The following UBAC1 variants were observed in gnomAD, a reference collection of about 807,000 sequenced individuals.
UBAC1 encodes the protein UBA domain containing 1.
Under a neutral mutation model 45.9 loss-of-function variants are expected in UBAC1, and 27 were observed. That is an observed-to-expected ratio of 0.59 (90% CI 0.43 to 0.81). UBAC1 has a LOEUF of 0.81. Among genes scored for constraint, UBAC1 ranks in the 30% least tolerant of loss-of-function variants. The pLI is 0.00. For missense variants in UBAC1, 529 were observed against 539.2 expected, an observed-to-expected ratio of 0.98 and a Z score of 0.19; for synonymous variants, 227 against 215.5, an observed-to-expected ratio of 1.05 and a Z score of -0.47.
intron 5 of UBAC1, 47 bp from the exon 6 acceptor site, chr9:135,946,044 G>A: frequency 6.5e-7 from 1 of 1,538,660 alleles, no homozygotes; most frequent in Non-Finnish European, 9.0e-7. Context: ...TCAGGTTCAG[G>A]GGCCTTATCT....
At chr9:135,946,654 C>T (rs757715627) in intron 4 of UBAC1, among the ~76,000 whole-genome samples, 2 of 152,234 alleles carry the variant, frequency 1.3e-5, no homozygotes, top group Non-Finnish European at 2.9e-5. Flanking sequence ...ACCGTCGGCC[C>T]AGCTGGCGCA....
chr9:135,934,640 G>A (rs1839183460), intron 9 of UBAC1, among the ~76,000 whole-genome samples: 1 of 152,094 alleles, frequency 6.6e-6, no homozygotes, highest in South Asian at 2.1e-4. Context: ...AGCCTGGGCA[G>A]CAGAGTGAGA....
chr9:135,946,922 G>A (rs1226336112), intron 4 of UBAC1, among the ~76,000 whole-genome samples: 7 of 152,184 alleles, frequency 4.6e-5, no homozygotes, highest in South Asian at 4.1e-4. Flanking sequence ...GCCTTGGTGC[G>A]GACACCACAC....
chr9:135,953,685 C>A lies in UBAC1; in HGVS notation c.328G>T (p.Glu110Ter), dbSNP rs1401051457. ...TTGCAAACTTTGAAATTTACCTTTT[C>A]TTCTGCTGAGACATCAGCCATCTTG... ...LPKMADVSAE[E>*]KKKQDQKAPD... is the part of the protein sequence containing the mutation. Residue 110 changes from glutamate (E) to a stop codon, truncating the protein, a stop_gained, in exon 3 of 10, where the codon GAA becomes TAA. Coordinates refer to ENST00000371756, the MANE Select transcript of UBAC1 (RefSeq NM_016172.3). LOFTEE classifies it high-confidence loss of function. 6.2e-7 allele frequency: 1 copy of A among 1,611,596 alleles called. No individual in the cohort carries two copies. Among genetic ancestry groups the A allele is most frequent in the Non-Finnish European group, 8.5e-7 (1 of 1,178,320 alleles).
intron 9 of UBAC1, among the ~76,000 whole-genome samples, chr9:135,935,269 AAC>A (rs2131078861): frequency 6.6e-6 from 1 of 152,334 alleles, no homozygotes; most frequent in African/African-American, 2.4e-5. Flanking sequence ...AGAGAGCAAA[AAC>A]AGTTTACAAC....
intron 5 of UBAC1, 81 bp downstream of exon 5, chr9:135,946,188 T>C: frequency 1.8e-6 from 2 of 1,132,900 alleles, no homozygotes; most frequent in South Asian, 2.5e-5. Flanking sequence ...TTCCGGTCAG[T>C]GGTCAGTGCG....
intron 9 of UBAC1, among the ~76,000 whole-genome samples, chr9:135,935,186 C>CA (rs1839189310): frequency 6.6e-6 from 1 of 152,156 alleles, no homozygotes; most frequent in South Asian, 2.1e-4. Flanking sequence ...CATGAGCCAC[C>CA]ATGCCCAACC....
At chr9:135,959,682 T>G (rs1038364608) in intron 1 of UBAC1, among the ~76,000 whole-genome samples, 1 of 151,986 alleles carries the variant, frequency 6.6e-6, no homozygotes, top group Non-Finnish European at 1.5e-5. Context: ...CCAGAGAAGT[T>G]TTTTAAAATA....
At position 135,938,357 on chromosome 9, in the gene UBAC1, C is replaced by T. The variant is rs754196005; in HGVS notation, c.967G>A (p.Glu323Lys). The change falls in exon 9 of 10, where the codon GAG becomes AAG. Residue 323 changes from glutamate (E) to lysine (K), a missense_variant. Transcript: ENST00000371756. Reference protein sequence around the residue: ...VNNNQQNAACEWLLGDRKPSP... With the variant: ...VNNNQQNAACKWLLGDRKPSP... ...GGCTTCCGGTCCCCCAGCAGCCACT[C>T]GCACTGCAAAGCCAAGAGCACCAAT... 7 of 1,613,128 alleles carry T rather than the reference C, an allele frequency of 4.3e-6. No homozygotes were observed. The highest frequency in any genetic ancestry group is 1.1e-5 in the South Asian group (1 of 91,058).
chr9:135,945,413 G>T (rs4842055), intron 6 of UBAC1, 163 bp from the exon 7 acceptor site: 609,281 of 609,306 alleles, frequency 1, 304,628 homozygotes, highest in East Asian at 1. Context: ...CGACGGAAGC[G>T]CTGGTCCTTG....
rs767353493 is a variant in UBAC1, at chr9:135,945,205, T to G, written c.699A>C (p.Glu233Asp). ...QAMEWLIEHA[E>D]DPTIDTPLPG... ...GAAGAGGCGTGTCTATGGTCGGGTC[T>G]TCTGCGTGTTCAATTAGCCACTCCA... Residue 233 changes from glutamate to aspartate, a missense_variant, in exon 7 of 10, where the codon GAA becomes GAC. Glu to Asp is a conservative substitution (Grantham distance 45). Coordinates refer to ENST00000371756, the MANE Select transcript of UBAC1 (RefSeq NM_016172.3). 57 of 1,608,792 alleles carry G rather than the reference T, an allele frequency of 3.5e-5. No homozygotes were observed. The highest frequency in any genetic ancestry group is 4.8e-5 in the Non-Finnish European group (56 of 1,177,566).
At position 135,945,784 on chromosome 9, in the gene UBAC1, TTCAG is replaced by T. The variant is rs1588532971; in HGVS notation, c.653+101_653+104del. 51 of 836,516 alleles carry T rather than the reference TTCAG, an allele frequency of 6.1e-5. No homozygotes were observed. The Middle Eastern group carries it at 8.5e-4, about 14-fold the overall frequency. The allele number at this position is 836,516 out of a possible 1,614,324, so 51.8% of individuals were successfully genotyped here. ...CTTCAAAACCCCACGTTAGAAATGATTCAGTCAAAGAGTTTAGGGTAGGAGGACG... is the reference window on the plus strand; with the variant it reads ...CTTCAAAACCCCACGTTAGAAATGATTCAAAGAGTTTAGGGTAGGAGGACG... On this transcript the variant is annotated intron_variant, in intron 6 of 9. Coordinates refer to ENST00000371756, the MANE Select transcript of UBAC1 (RefSeq NM_016172.3).
chr9:135,958,444 C>T (rs868588711), intron 1 of UBAC1, among the ~76,000 whole-genome samples: 4 of 152,174 alleles, frequency 2.6e-5, no homozygotes, highest in Admixed American at 6.5e-5. Context: ...GAGGCCACCA[C>T]GGTGATCCCA....
At chr9:135,940,942 C>T (rs1839263149) in intron 7 of UBAC1, among the ~76,000 whole-genome samples, 1 of 152,218 alleles carries the variant, frequency 6.6e-6, no homozygotes, top group Non-Finnish European at 1.5e-5. Flanking sequence ...CAGCTCCCAG[C>T]ACCACCCAGG....
rs549228819 is a variant in UBAC1, at chr9:135,945,133, G to T, written c.771C>A (p.Ser257=). ...TGGCGCTGGCTCCCGCGGCAGCCTCGGAGGCAGCTGCTGTGGCCCCCTCGG... is the reference window on the plus strand; with the variant it reads ...TGGCGCTGGCTCCCGCGGCAGCCTCTGAGGCAGCTGCTGTGGCCCCCTCGG... ...PEAEGATAAA[S]EAAAGASATD... Residue 257 remains serine (S), a synonymous_variant, in exon 7 of 10, where the codon TCC becomes TCA. Coordinates refer to ENST00000371756, the MANE Select transcript of UBAC1 (RefSeq NM_016172.3). 1.2e-6 allele frequency: 2 copies of T among 1,613,982 alleles called. No homozygotes were observed. Among genetic ancestry groups the T allele is most frequent in the South Asian group, 1.1e-5 (1 of 91,050 alleles).
In UBAC1 at chr9:135,938,364, C is replaced by T; in HGVS notation, c.964-4G>A. On this transcript the variant is annotated splice_polypyrimidine_tract_variant and splice_region_variant and intron_variant, in intron 8 of 9. Coordinates refer to ENST00000371756, the MANE Select transcript of UBAC1 (RefSeq NM_016172.3). Reference sequence around the variant, plus strand: ...GGTCCCCCAGCAGCCACTCGCACTGCAAAGCCAAGAGCACCAATACCACTG... The same window carrying T: ...GGTCCCCCAGCAGCCACTCGCACTGTAAAGCCAAGAGCACCAATACCACTG... 1 of 1,612,540 alleles carries T rather than the reference C, an allele frequency of 6.2e-7. No individual in the cohort carries two copies. Among genetic ancestry groups the T allele is most frequent in the Non-Finnish European group, 8.5e-7 (1 of 1,179,720 alleles).
chr9:135,945,768 C>G, intron 6 of UBAC1, 121 bp downstream of exon 6: 1 of 739,602 alleles, frequency 1.4e-6, no homozygotes, highest in Non-Finnish European at 2.2e-6. Flanking sequence ...TCTTCAAAAC[C>G]CCACGTTAGA....
intron 9 of UBAC1, 114 bp downstream of exon 9, chr9:135,938,108 A>G: frequency 6.8e-7 from 1 of 1,469,758 alleles, no homozygotes; most frequent in African/African-American, 1.4e-5. Context: ...CTGCCAGCGC[A>G]CGGCGATCCT....
At chr9:135,946,496 A>G (rs1489433891) in intron 4 of UBAC1, 125 bp from the exon 5 acceptor site, 5 of 689,964 alleles carry the variant, frequency 7.2e-6, no homozygotes, top group Non-Finnish European at 1.3e-5. Flanking sequence ...TTCTTGCAAG[A>G]CAGCAGGATC....
Sources: gnomAD v4.1 joint callset for allele counts (sites outside exome capture counted in the v4.1 genomes callset) on GRCh38, gnomAD v4.1.1 for gene constraint, MANE v1.5 for transcripts, NCBI Gene and HGNC (gene_info 2026-07-23, HGNC 2026-07-21) for gene names.